RFX2: variants seen among roughly 807,000 people sequenced by gnomAD.
The protein encoded by RFX2 is DNA-binding protein RFX2.
In RFX2, 20 loss-of-function variants were observed where a neutral mutation model predicts 87.8. That is an observed-to-expected ratio of 0.23 (90% CI 0.16 to 0.33). RFX2 has a LOEUF of 0.33. Among genes scored for constraint, RFX2 ranks in the 10% least tolerant of loss-of-function variants. RFX2 has a pLI of 1.00. For missense variants in RFX2, 767 were observed against 1,012.3 expected (o/e 0.76, Z 3.29); for synonymous variants, 397 against 431.3 (o/e 0.92, Z 0.98).
In RFX2 at chr19:6,083,466, C is replaced by T. The variant is rs573671114; in HGVS notation, c.-9+26927G>A. Among the ~76,000 whole-genome samples, 28 of 150,986 alleles carry T rather than the reference C, an allele frequency of 1.9e-4. No homozygotes were observed. Among genetic ancestry groups the T allele is most frequent in the African/African-American group, 4.1e-4 (17 of 41,052 alleles). On this transcript the variant is annotated intron_variant, in intron 1 of 17. Transcript: ENST00000303657. This position sits in a 1 kb window ranked among gnomAD's most constrained non-coding sequence, Gnocchi z 4.6. ...TGTCTTGTTTCCAATCATTTAAAAA[C>T]GCAAAAAATATTCTCAACTCGTGGA...
At chr19:6,091,122 G>C (rs999667327) in intron 1 of RFX2, among the ~76,000 whole-genome samples, 4 of 152,168 alleles carry the variant, frequency 2.6e-5, no homozygotes, top group African/African-American at 9.7e-5. Context: ...TCTGGAATTA[G>C]AGAGTGATGA....
rs556778912 is a variant in RFX2, at chr19:6,110,185, A to G, written c.-9+208T>C. Among the ~76,000 whole-genome samples, 51 of 152,042 alleles carry G rather than the reference A, an allele frequency of 3.4e-4. No homozygotes were observed. The highest frequency in any genetic ancestry group is 1.2e-3 in the African/African-American group (48 of 41,528). On this transcript the variant is annotated intron_variant, in intron 1 of 17. Transcript: ENST00000303657. The surrounding 1 kb of genome is among the most constrained non-coding windows in gnomAD (Gnocchi z 4.3). ...ACCGCACCTCCCCCGCGTTCAGTCA[A>G]TAAGGAAAGTGGGGACGTCGCCAGG...
At chr19:6,087,319 G>C (rs2087868376) in intron 1 of RFX2, among the ~76,000 whole-genome samples, 1 of 152,196 alleles carries the variant, frequency 6.6e-6, no homozygotes, top group Admixed American at 6.5e-5. Context: ...AATTCAAACA[G>C]CCTGGGAAGG....
At chr19:6,042,590 G>C (rs931759521) in intron 3 of RFX2, among the ~76,000 whole-genome samples, 1 of 152,192 alleles carries the variant, frequency 6.6e-6, no homozygotes, top group Non-Finnish European at 1.5e-5. Context: ...AGGGGGCTGA[G>C]CAGATTAGAC....
At chr19:6,079,818 G>A (rs143978516) in intron 1 of RFX2, among the ~76,000 whole-genome samples, 195 of 151,306 alleles carry the variant, frequency 1.3e-3, no homozygotes, top group African/African-American at 4.4e-3. Context: ...CCAGGGAGCC[G>A]GAGGTTGCAG....
intron 1 of RFX2, among the ~76,000 whole-genome samples, chr19:6,058,748 A>G (rs1568528445): frequency 6.6e-6 from 1 of 152,164 alleles, no homozygotes; most frequent in African/African-American, 2.4e-5. Flanking sequence ...TCAGGAGCCA[A>G]ACTTTCCCTC....
chr19:6,022,047 G>A lies in RFX2; in HGVS notation c.597+4116C>T, dbSNP rs2086819318. 6.6e-6 allele frequency among the ~76,000 whole-genome samples: 1 copy of A among 152,132 alleles called. No homozygotes were observed. The highest frequency in any genetic ancestry group is 2.1e-4 in the South Asian group (1 of 4,820). On this transcript the variant is annotated intron_variant, in intron 6 of 17. Coordinates refer to ENST00000303657, the MANE Select transcript of RFX2 (RefSeq NM_000635.4). The surrounding 1 kb of genome is among the most constrained non-coding windows in gnomAD (Gnocchi z 6.2). ...GTGGGCATGAGAGGAGCAAGGAGGCGAGGACGCAGTGGGGTTGGGGGCCGA... is the reference window on the plus strand; with the variant it reads ...GTGGGCATGAGAGGAGCAAGGAGGCAAGGACGCAGTGGGGTTGGGGGCCGA...
intron 12 of RFX2, among the ~76,000 whole-genome samples, chr19:6,006,312 A>G (rs912198218): frequency 1.3e-5 from 2 of 151,612 alleles, no homozygotes; most frequent in African/African-American, 4.8e-5. Context: ...GGCATGCAAC[A>G]CCACACCAGC....
intron 1 of RFX2, among the ~76,000 whole-genome samples, chr19:6,048,622 C>T (rs530310788): frequency 6.6e-6 from 1 of 152,246 alleles, no homozygotes; most frequent in Non-Finnish European, 1.5e-5. Flanking sequence ...ACATACATCG[C>T]GGTGCCCACG....
At chr19:6,109,685 G>C (rs2144926664) in intron 1 of RFX2, among the ~76,000 whole-genome samples, 1 of 152,318 alleles carries the variant, frequency 6.6e-6, no homozygotes, top group South Asian at 2.1e-4. Context: ...TCGGAGGTTT[G>C]GGGAGTAAAG....
chr19:6,084,136 C>T (rs1460439237), intron 1 of RFX2, among the ~76,000 whole-genome samples: 1 of 151,566 alleles, frequency 6.6e-6, no homozygotes, highest in Non-Finnish European at 1.5e-5. Flanking sequence ...CAGAGTTAGC[C>T]CAGTTAAGCG....
In RFX2 at chr19:6,007,815, G is replaced by A. The variant is rs1168641577; in HGVS notation, c.1135-13C>T. ...CATCTACAGTTGCCTAGGAATGAAG[G>A]GACCGGTGAGACAGACGGGTGCGTG... On this transcript the variant is annotated splice_polypyrimidine_tract_variant and intron_variant, in intron 10 of 17. Coordinates refer to ENST00000303657, the MANE Select transcript of RFX2 (RefSeq NM_000635.4). The surrounding 1 kb of genome is among the most constrained non-coding windows in gnomAD (Gnocchi z 8.2). The A allele has an allele frequency of 6.6e-7, 1 of 1,511,800 alleles. No homozygotes were observed. The highest frequency in any genetic ancestry group is 9.0e-7 in the Non-Finnish European group (1 of 1,110,430). The allele number at this position is 1,511,800 out of a possible 1,614,324, so 93.6% of individuals were successfully genotyped here. A position where few individuals can be genotyped will look rare whatever the true frequency, so the allele number is the denominator to read the frequency against.
intron 1 of RFX2, among the ~76,000 whole-genome samples, chr19:6,053,037 C>T (rs541014684): frequency 1.3e-5 from 2 of 151,454 alleles, no homozygotes; most frequent in African/African-American, 4.9e-5. Context: ...TATAGAAAGA[C>T]AAACAAACTA....
intron 10 of RFX2, 44 bp downstream of exon 10, chr19:6,008,062 G>A (rs1253374632): frequency 1.2e-5 from 17 of 1,421,600 alleles, no homozygotes; most frequent in Non-Finnish European, 1.4e-5. Flanking sequence ...GGCGGTTCCC[G>A]GGAGGGACAC....
intron 1 of RFX2, among the ~76,000 whole-genome samples, chr19:6,092,601 T>A (rs550644867): frequency 6.6e-6 from 1 of 151,918 alleles, no homozygotes; most frequent in South Asian, 2.1e-4. Flanking sequence ...CAGCCAGGCC[T>A]CCCCAAGAGG....
intron 5 of RFX2, among the ~76,000 whole-genome samples, chr19:6,028,792 TGGCCG>T (rs1258371985): frequency 1.3e-5 from 2 of 152,068 alleles, no homozygotes; most frequent in Non-Finnish European, 2.9e-5. Context: ...ATAGAGATTT[TGGCCG>T]GGCACGGTGG....
At chr19:6,042,262 G>T (rs906802741) in intron 3 of RFX2, 139 bp from the exon 4 acceptor site, 3 of 735,142 alleles carry the variant, frequency 4.1e-6, no homozygotes, top group Non-Finnish European at 7.1e-6. Context: ...CAGTCGGCAC[G>T]CCTAGAAAGA....
chr19:6,044,949 C>T lies in RFX2; in HGVS notation c.91-667G>A, dbSNP rs1178327043. On this transcript the variant is annotated intron_variant, in intron 2 of 17. Coordinates refer to ENST00000303657, the MANE Select transcript of RFX2 (RefSeq NM_000635.4). The surrounding 1 kb of genome is among the most constrained non-coding windows in gnomAD (Gnocchi z 5.3). ...TGGCTTTGCTATTTTTCTGGGAGTACCGATTGGCCACACAAAGCTATCAAA... is the reference window on the plus strand; with the variant it reads ...TGGCTTTGCTATTTTTCTGGGAGTATCGATTGGCCACACAAAGCTATCAAA... 1.3e-5 allele frequency among the ~76,000 whole-genome samples: 2 copies of T among 152,104 alleles called. No individual in the cohort carries two copies. The highest frequency in any genetic ancestry group is 2.9e-5 in the Non-Finnish European group (2 of 68,030).
At chr19:6,015,135 A>G (rs910330456) in intron 7 of RFX2, among the ~76,000 whole-genome samples, 4 of 152,156 alleles carry the variant, frequency 2.6e-5, no homozygotes, top group African/African-American at 9.6e-5. Context: ...GTACAGCAAA[A>G]GACACCAAGA....
Sources: gnomAD v4.1 joint callset for allele counts (sites outside exome capture counted in the v4.1 genomes callset) on GRCh38, gnomAD v4.1.1 for gene constraint, Gnocchi (gnomAD v3.1) non-coding constraint, MANE v1.5 for transcripts, NCBI Gene and HGNC (gene_info 2026-07-23, HGNC 2026-07-21) for gene names.